EPB41L2: variants seen among roughly 807,000 people sequenced by gnomAD.
EPB41L2 encodes band 4.1-like protein 2.
Under a neutral mutation model 113.0 loss-of-function variants are expected in EPB41L2, and 43 were observed. That is an observed-to-expected ratio of 0.38 (90% CI 0.30 to 0.49). The LOEUF (loss-of-function observed/expected upper bound fraction) is 0.49, where lower values mean the gene tolerates loss of function less well. Ranked by LOEUF, EPB41L2 falls within the 20% of genes least tolerant of loss-of-function variation. EPB41L2 has a pLI of 0.95. For synonymous variants in EPB41L2, 442 were observed against 436.7 expected (o/e 1.01, Z -0.15); for missense variants, 1,147 against 1,223.4 (o/e 0.94, Z 0.93).
At chr6:130,918,565 T>C (rs1801853674) in intron 4 of EPB41L2, among the ~76,000 whole-genome samples, 1 of 152,286 alleles carries the variant, frequency 6.6e-6, no homozygotes, top group Admixed American at 6.5e-5. Flanking sequence ...GCACTCTCAA[T>C]AGACATTAAA....
chr6:130,892,498 T>C (rs1041711492), intron 10 of EPB41L2, among the ~76,000 whole-genome samples: 5 of 150,414 alleles, frequency 3.3e-5, no homozygotes, highest in African/African-American at 1.2e-4. Context: ...TAGCTTTATA[T>C]GAGCTGGCTC....
intron 19 of EPB41L2, among the ~76,000 whole-genome samples, chr6:130,843,757 C>G (rs1002289058): frequency 4.6e-5 from 7 of 152,126 alleles, no homozygotes; most frequent in African/African-American, 1.7e-4. Flanking sequence ...CCTCTTTTGG[C>G]CAATGTGAGA....
intron 1 of EPB41L2, among the ~76,000 whole-genome samples, chr6:130,967,004 C>T (rs972069547): frequency 6.6e-6 from 1 of 152,094 alleles, no homozygotes; most frequent in Non-Finnish European, 1.5e-5. Flanking sequence ...TAGATTGTTC[C>T]CCTAAGTAGT....
At chr6:130,967,573 A>G (rs1250025689) in intron 1 of EPB41L2, among the ~76,000 whole-genome samples, 1 of 152,124 alleles carries the variant, frequency 6.6e-6, no homozygotes, top group African/African-American at 2.4e-5. Flanking sequence ...AAGGCAGAGT[A>G]AACAGAATGG....
At chr6:130,928,018 G>T (rs1041484428) in intron 3 of EPB41L2, among the ~76,000 whole-genome samples, 1 of 152,100 alleles carries the variant, frequency 6.6e-6, no homozygotes, top group African/African-American at 2.4e-5. Flanking sequence ...GCTTAAGCCT[G>T]GGAGGCTGAG....
chr6:130,892,469 T>C (rs1049870790), intron 10 of EPB41L2, among the ~76,000 whole-genome samples: 1 of 146,764 alleles, frequency 6.8e-6, no homozygotes, highest in Admixed American at 7.0e-5. Flanking sequence ...CTTGGACCTG[T>C]GTCATAAATG....
At chr6:130,910,463 A>G (rs1013286973) in intron 4 of EPB41L2, among the ~76,000 whole-genome samples, 3 of 152,258 alleles carry the variant, frequency 2.0e-5, no homozygotes, top group Non-Finnish European at 4.4e-5. Context: ...GGACATAGGC[A>G]TGGGCAAAGC....
At chr6:131,013,249 A>T (rs55712623) in intron 1 of EPB41L2, among the ~76,000 whole-genome samples, 81,565 of 141,900 alleles carry the variant, frequency 0.57, 22,048 homozygotes, top group East Asian at 0.75. Context: ...GAAAAAAAAA[A>T]ATATATATAT....
chr6:130,905,701 T>A (rs1004643328), intron 5 of EPB41L2, among the ~76,000 whole-genome samples: 1 of 152,194 alleles, frequency 6.6e-6, no homozygotes, highest in African/African-American at 2.4e-5. Flanking sequence ...ATTACAGGCA[T>A]GAACCACCAC....
intron 1 of EPB41L2, among the ~76,000 whole-genome samples, chr6:131,006,474 C>A (rs1460811569): frequency 6.6e-6 from 1 of 151,586 alleles, no homozygotes; most frequent in Admixed American, 6.6e-5. Context: ...CGAGCCTAGT[C>A]AACACGACAA....
chr6:130,933,771 T>G (rs1347139618), intron 3 of EPB41L2, among the ~76,000 whole-genome samples: 2 of 152,218 alleles, frequency 1.3e-5, no homozygotes, highest in African/African-American at 4.8e-5. Flanking sequence ...TGCTGTTATT[T>G]GTGGCATTCA....
intron 4 of EPB41L2, among the ~76,000 whole-genome samples, chr6:130,926,141 G>A (rs1403562195): frequency 6.6e-6 from 1 of 152,098 alleles, no homozygotes; most frequent in Non-Finnish European, 1.5e-5. Flanking sequence ...AGACAGAATC[G>A]TTCCAATGTG....
At chr6:130,988,688 A>C (rs376345457) in intron 1 of EPB41L2, among the ~76,000 whole-genome samples, 9 of 152,296 alleles carry the variant, frequency 5.9e-5, no homozygotes, top group Admixed American at 5.2e-4. Flanking sequence ...AGTCATCTCC[A>C]TGTGCCTAAT....
At position 131,030,874 on chromosome 6, in the gene EPB41L2, G is replaced by A. The variant is rs566127274; in HGVS notation, c.-15+32281C>T. Among the ~76,000 whole-genome samples the A allele has an allele frequency of 9.9e-5, 15 of 151,264 alleles. No homozygotes were observed. The South Asian group carries it at 1.3e-3, about 13-fold the overall frequency. On this transcript the variant is annotated intron_variant, in intron 1 of 19. Coordinates refer to ENST00000337057, the MANE Select transcript of EPB41L2 (RefSeq NM_001431.4). ...GCAGATCGCTTGAGCTCAGGAGCTC[G>A]AGGACCAGCCCGAGCAACATGGCAA...
chr6:130,938,572 A>G (rs1157364559), intron 3 of EPB41L2, among the ~76,000 whole-genome samples: 1 of 152,200 alleles, frequency 6.6e-6, no homozygotes, highest in Non-Finnish European at 1.5e-5. Flanking sequence ...CTTTGGGTGA[A>G]CATGGCCCTG....
At chr6:130,961,840 G>T (rs1311973914) in intron 1 of EPB41L2, among the ~76,000 whole-genome samples, 1 of 152,204 alleles carries the variant, frequency 6.6e-6, no homozygotes, top group East Asian at 1.9e-4. Flanking sequence ...AAAATGGGAA[G>T]GTATGTATTT....
chr6:130,989,627 T>C (rs780634574), intron 1 of EPB41L2, among the ~76,000 whole-genome samples: 21 of 152,252 alleles, frequency 1.4e-4, no homozygotes, highest in Non-Finnish European at 2.2e-4. Context: ...TTTGCTGTTA[T>C]AACGAAACCT....
intron 1 of EPB41L2, among the ~76,000 whole-genome samples, chr6:131,015,112 G>A (rs1787901056): frequency 6.6e-6 from 1 of 152,264 alleles, no homozygotes; most frequent in East Asian, 1.9e-4. Flanking sequence ...GAAAATGTTG[G>A]TAAACCAGGC....
intron 19 of EPB41L2, among the ~76,000 whole-genome samples, chr6:130,843,782 C>T (rs1301801826): frequency 6.6e-6 from 1 of 152,192 alleles, no homozygotes; most frequent in African/African-American, 2.4e-5. Context: ...ATCAATGTGG[C>T]TCAATTTCAT....
Sources: allele counts gnomAD v4.1 joint callset (sites outside exome capture counted in the v4.1 genomes callset), GRCh38; gene constraint gnomAD v4.1.1; transcripts MANE v1.5; gene names NCBI Gene and HGNC (gene_info 2026-07-23, HGNC 2026-07-21).